The following BTBD7 variants were observed in gnomAD, a reference collection of about 807,000 sequenced individuals.
BTBD7 encodes BTB domain containing 7.
Under a neutral mutation model 99.9 loss-of-function variants are expected in BTBD7, and 38 were observed. That is an observed-to-expected ratio of 0.38 (90% CI 0.29 to 0.50). BTBD7 has a LOEUF of 0.50. BTBD7 is among the 20% of genes least tolerant of loss of function. The probability of loss-of-function intolerance (pLI) is 0.93; values close to 1 mark genes in which losing one functional copy is unlikely to be tolerated. For synonymous variants in BTBD7, 520 were observed against 511.4 expected, an observed-to-expected ratio of 1.02 and a Z score of -0.23; for missense variants, 1,170 against 1,394.6, an observed-to-expected ratio of 0.84 and a Z score of 2.57.
At chr14:93,262,775 G>T (rs951964919) in intron 4 of BTBD7, among the ~76,000 whole-genome samples, 2 of 147,068 alleles carry the variant, frequency 1.4e-5, no homozygotes, top group Non-Finnish European at 2.9e-5. Flanking sequence ...AATCTAGGCT[G>T]CTCTCTGTTT....
Position 93,288,688 on chromosome 14 carries a change from C to A in BTBD7, c.1162+5170G>T, listed in dbSNP as rs572399321. ...TTGAAAGCTCTGCTGCACAGGCAGG[C>A]CTGATGACTGTAGTCTCCTCTGTAA... On this transcript the variant is annotated intron_variant, in intron 3 of 10. Coordinates refer to ENST00000334746, the MANE Select transcript of BTBD7 (RefSeq NM_001002860.4). 3.1e-6 allele frequency: 5 copies of A among 1,591,588 alleles called. No individual in the cohort carries two copies. In the African/African-American group the frequency reaches 4.0e-5, roughly 13 times the overall value.
intron 7 of BTBD7, among the ~76,000 whole-genome samples, chr14:93,252,234 C>G (rs143138799): frequency 6.6e-6 from 1 of 151,206 alleles, no homozygotes; most frequent in East Asian, 1.9e-4. Flanking sequence ...TGCTTGAACT[C>G]GGGAGGAGAA....
At chr14:93,307,165 CTTTTT>C (rs986781599) in intron 1 of BTBD7, among the ~76,000 whole-genome samples, 3 of 152,062 alleles carry the variant, frequency 2.0e-5, no homozygotes, top group Non-Finnish European at 2.9e-5. Context: ...CTGTACTTTT[CTTTTT>C]TATTTTTAAG....
At chr14:93,244,772 C>T (rs2139673608) in intron 10 of BTBD7, among the ~76,000 whole-genome samples, 1 of 152,074 alleles carries the variant, frequency 6.6e-6, no homozygotes, top group South Asian at 2.1e-4. Context: ...ATGAAGCTTC[C>T]CTGAACTGAC....
chr14:93,320,693 T>C (rs2053259702), intron 1 of BTBD7, among the ~76,000 whole-genome samples: 1 of 152,206 alleles, frequency 6.6e-6, no homozygotes, highest in Non-Finnish European at 1.5e-5. Flanking sequence ...GAACACAATG[T>C]GCATGCCTTA....
At chr14:93,284,722 G>A (rs181381028) in intron 3 of BTBD7, among the ~76,000 whole-genome samples, 9 of 152,088 alleles carry the variant, frequency 5.9e-5, no homozygotes, top group Non-Finnish European at 5.9e-5. Context: ...GAAATTCTCA[G>A]GATGTAGAAA....
intron 1 of BTBD7, among the ~76,000 whole-genome samples, chr14:93,322,388 G>A (rs1235752017): frequency 6.6e-6 from 1 of 151,842 alleles, no homozygotes; most frequent in African/African-American, 2.4e-5. Context: ...TAAAGTGTTG[G>A]GATTATAGGG....
chr14:93,246,283 G>C lies in BTBD7; in HGVS notation c.2125C>G (p.Pro709Ala). The C allele has an allele frequency of 6.9e-7, 1 of 1,452,044 alleles. No homozygotes were observed. The highest frequency in any genetic ancestry group is 2.4e-5 in the East Asian group (1 of 41,966). The allele number at this position is 1,452,044 out of a possible 1,614,324, so 89.9% of individuals were successfully genotyped here. A position where few individuals can be genotyped will look rare whatever the true frequency, so the allele number is the denominator to read the frequency against. Residue 709 changes from proline (P) to alanine (A), a missense_variant, in exon 10 of 11, where the codon CCT (proline) becomes GCT (alanine). This residue lies in a region of BTBD7 where 495 missense variants were observed against 525.9 expected (regional missense o/e 0.94). Coordinates refer to ENST00000334746, the MANE Select transcript of BTBD7 (RefSeq NM_001002860.4). The part of the protein sequence containing the change: ...ADAAAELLQN[P>A]HKFFPDERFG... ...CGTTCATCAGGAAAGAATTTGTGAGGATTCTAAAAAAGATTAAAAAAAAAA... is the reference window on the plus strand; with the variant it reads ...CGTTCATCAGGAAAGAATTTGTGAGCATTCTAAAAAAGATTAAAAAAAAAA...
At position 93,253,804 on chromosome 14, in the gene BTBD7, T is replaced by C; in HGVS notation, c.1609-14A>G. The C allele has an allele frequency of 1.3e-6, 2 of 1,542,982 alleles. No individual in the cohort carries two copies. Among genetic ancestry groups the C allele is most frequent in the Non-Finnish European group, 8.8e-7 (1 of 1,139,566 alleles). On this transcript the variant is annotated splice_polypyrimidine_tract_variant and intron_variant, in intron 6 of 10. Transcript: ENST00000334746. The stretch of plus-strand genomic sequence containing the variant: ...GCCTCTTTTCATCTAAAAAAAAATT[T>C]TTTTTTTAGATAGAAATCTGTGTAG...
At chr14:93,265,674 C>T (rs1252400594) in intron 3 of BTBD7, among the ~76,000 whole-genome samples, 1 of 152,260 alleles carries the variant, frequency 6.6e-6, no homozygotes, top group Non-Finnish European at 1.5e-5. Flanking sequence ...GTAATCCCAG[C>T]ACTTTGGGAG....
At chr14:93,272,877 G>T (rs895789919) in intron 3 of BTBD7, among the ~76,000 whole-genome samples, 1 of 152,140 alleles carries the variant, frequency 6.6e-6, no homozygotes, top group African/African-American at 2.4e-5. Context: ...CTAAGCCCAG[G>T]TGTCTGCAGT....
chr14:93,303,693 A>C (rs1266315218), intron 1 of BTBD7, among the ~76,000 whole-genome samples: 1 of 152,200 alleles, frequency 6.6e-6, no homozygotes, highest in Middle Eastern at 3.2e-3. Flanking sequence ...CACTGTGAAG[A>C]CACAAATGGG....
intron 1 of BTBD7, among the ~76,000 whole-genome samples, chr14:93,308,642 T>C (rs1426083633): frequency 1.3e-5 from 2 of 152,172 alleles, no homozygotes; most frequent in Non-Finnish European, 2.9e-5. Context: ...CAAAATGTGG[T>C]GTATACATAG....
At chr14:93,313,976 C>T (rs2053170577) in intron 1 of BTBD7, among the ~76,000 whole-genome samples, 1 of 151,932 alleles carries the variant, frequency 6.6e-6, no homozygotes, top group African/African-American at 2.4e-5. Flanking sequence ...GAACTCCTAG[C>T]CTCAAGTGAC....
At chr14:93,277,759 A>G (rs969794144) in intron 3 of BTBD7, among the ~76,000 whole-genome samples, 3 of 152,238 alleles carry the variant, frequency 2.0e-5, no homozygotes, top group Non-Finnish European at 2.9e-5. Context: ...GATGTATTCT[A>G]CTACCAAAGC....
At position 93,245,923 on chromosome 14, in the gene BTBD7, T is replaced by A; in HGVS notation, c.2485A>T (p.Ser829Cys). The change falls in exon 10 of 11, where the codon AGC (serine) becomes TGC (cysteine). Residue 829 changes from serine to cysteine, a missense_variant. This residue lies in a region of BTBD7 where 495 missense variants were observed against 525.9 expected (regional missense o/e 0.94). Transcript: ENST00000334746. ...SVKAAPPDCT[S>C]TAGLGRQTVA... ...GTCTGTCTGCCCAGTCCTGCAGTGC[T>A]GGTACAATCAGGCGGTGCAGCTTTC... The A allele has an allele frequency of 6.2e-7, 1 of 1,614,150 alleles. No homozygotes were observed. Among genetic ancestry groups the A allele is most frequent in the South Asian group, 1.1e-5 (1 of 91,078 alleles).
At position 93,332,838 on chromosome 14, in the gene BTBD7, C is replaced by T. The variant is rs2053467306; in HGVS notation, c.-125G>A. On this transcript the variant is annotated 5_prime_UTR_variant, in exon 1 of 11. Transcript: ENST00000334746. Reference sequence around the variant, plus strand: ...CACTCACCCCGGAGGCTCCTCCCGCCGCTGCTGCTGCCGCTGGGACCGCTG... The same window carrying T: ...CACTCACCCCGGAGGCTCCTCCCGCTGCTGCTGCTGCCGCTGGGACCGCTG... 3 of 1,478,844 alleles carry T rather than the reference C, an allele frequency of 2.0e-6. No individual in the cohort carries two copies. The highest frequency in any genetic ancestry group is 3.0e-5 in the East Asian group (1 of 33,676). The allele number at this position is 1,478,844 out of a possible 1,614,324, so 91.6% of individuals were successfully genotyped here.
intron 3 of BTBD7, among the ~76,000 whole-genome samples, chr14:93,285,604 T>C (rs1253652603): frequency 6.6e-6 from 1 of 152,220 alleles, no homozygotes; most frequent in Non-Finnish European, 1.5e-5. Flanking sequence ...TGAGTTAACC[T>C]ATAGTTCTCC....
intron 3 of BTBD7, among the ~76,000 whole-genome samples, chr14:93,287,422 A>C (rs1000554694): frequency 2.0e-5 from 3 of 147,942 alleles, no homozygotes; most frequent in African/African-American, 7.5e-5. Context: ...TTACCTCTCT[A>C]TATTACTATT....
Sources: gnomAD v4.1 joint callset for allele counts (sites outside exome capture counted in the v4.1 genomes callset) on GRCh38, gnomAD v4.1.1 for gene constraint, gnomAD v4.1.1 regional missense constraint, MANE v1.5 for transcripts, NCBI Gene and HGNC (gene_info 2026-07-23, HGNC 2026-07-21) for gene names.